Variants in ANKRD6 observed in about 807,000 individuals in gnomAD.
ANKRD6 encodes the protein ankyrin repeat domain-containing protein 6.
A neutral mutation model predicts 82.3 loss-of-function variants in ANKRD6; 56 were observed. The ratio of observed to expected loss-of-function variants is 0.68; its 90% CI spans 0.55 to 0.85. ANKRD6 has a LOEUF of 0.85. Ranked by LOEUF, ANKRD6 falls within the 40% of genes least tolerant of loss-of-function variation. ANKRD6 has a pLI of 0.00. For missense variants in ANKRD6, 852 were observed against 907.6 expected (o/e 0.94, Z 0.79); for synonymous variants, 347 against 352.1 (o/e 0.99, Z 0.16).
At chr6:89,607,307 A>G (rs1798939546) in intron 5 of ANKRD6, among the ~76,000 whole-genome samples, 1 of 144,748 alleles carries the variant, frequency 6.9e-6, no homozygotes, top group Non-Finnish European at 1.5e-5. Flanking sequence ...TTTTACCGAC[A>G]AAGATGTTCA....
intron 1 of ANKRD6, among the ~76,000 whole-genome samples, chr6:89,493,965 A>G (rs1778318202): frequency 6.6e-6 from 1 of 152,226 alleles, no homozygotes. Context: ...ACTTGTTAAA[A>G]TGGTAAAGGA....
intron 1 of ANKRD6, among the ~76,000 whole-genome samples, chr6:89,475,887 T>C (rs1775977540): frequency 6.6e-6 from 1 of 152,190 alleles, no homozygotes; most frequent in Non-Finnish European, 1.5e-5. Flanking sequence ...TGGGAGTGTT[T>C]GTGGGAAGCC....
chr6:89,507,090 A>G (rs1779964700), intron 1 of ANKRD6, among the ~76,000 whole-genome samples: 1 of 152,250 alleles, frequency 6.6e-6, no homozygotes, highest in Admixed American at 6.5e-5. Context: ...TTTTATTATC[A>G]ATTAACATTG....
intron 1 of ANKRD6, among the ~76,000 whole-genome samples, chr6:89,463,797 C>G (rs369187241): frequency 1.3e-5 from 2 of 152,060 alleles, no homozygotes; most frequent in South Asian, 4.1e-4. Flanking sequence ...GTGATCTGCC[C>G]GCCTTGGCCT....
At chr6:89,591,872 T>C (rs1379850790) in intron 2 of ANKRD6, among the ~76,000 whole-genome samples, 1 of 152,190 alleles carries the variant, frequency 6.6e-6, no homozygotes, top group Non-Finnish European at 1.5e-5. Flanking sequence ...GAGCCAAGAA[T>C]GTGCAGGGAA....
intron 1 of ANKRD6, among the ~76,000 whole-genome samples, chr6:89,485,935 C>G (rs1037942720): frequency 6.6e-6 from 1 of 152,120 alleles, no homozygotes; most frequent in Non-Finnish European, 1.5e-5. Flanking sequence ...GTTCTATTAC[C>G]TGAAGCATGC....
intron 1 of ANKRD6, among the ~76,000 whole-genome samples, chr6:89,533,697 C>A (rs1431924265): frequency 6.7e-6 from 1 of 149,942 alleles, no homozygotes; most frequent in Non-Finnish European, 1.5e-5. Flanking sequence ...CCAGCCATCA[C>A]GAATGAGAGA....
chr6:89,557,184 T>C (rs1490024910), intron 1 of ANKRD6, among the ~76,000 whole-genome samples: 1 of 152,122 alleles, frequency 6.6e-6, no homozygotes, highest in African/African-American at 2.4e-5. Flanking sequence ...GGAAGATGTC[T>C]GGTAGGTGGT....
At chr6:89,608,684 T>A (rs1405655857) in intron 5 of ANKRD6, among the ~76,000 whole-genome samples, 1 of 152,102 alleles carries the variant, frequency 6.6e-6, no homozygotes, top group Admixed American at 6.5e-5. Flanking sequence ...AGAGCATAGT[T>A]AAGCAAGCCA....
intron 1 of ANKRD6, among the ~76,000 whole-genome samples, chr6:89,540,634 G>T (rs1030160233): frequency 9.2e-5 from 14 of 152,208 alleles, no homozygotes; most frequent in African/African-American, 3.4e-4. Flanking sequence ...AACTTGATAT[G>T]ACCCATTTGT....
chr6:89,520,105 T>TC (rs1206268879), intron 1 of ANKRD6, among the ~76,000 whole-genome samples: 1 of 152,148 alleles, frequency 6.6e-6, no homozygotes, highest in African/African-American at 2.4e-5. Context: ...TACTTCAGCC[T>TC]CCCACATACT....
At chr6:89,570,063 A>ATGTGTGTGTGTGTGTGTGTGTG (rs10651458) in intron 2 of ANKRD6, among the ~76,000 whole-genome samples, 4 of 148,870 alleles carry the variant, frequency 2.7e-5, no homozygotes, top group South Asian at 2.1e-4. Context: ...ATGTGTGTAT[A>ATGTGTGTGTGTGTGTGTGTGTG]TGTGTGTGTG....
At chr6:89,474,920 G>A (rs1198204562) in intron 1 of ANKRD6, among the ~76,000 whole-genome samples, 1 of 152,170 alleles carries the variant, frequency 6.6e-6, no homozygotes, top group Non-Finnish European at 1.5e-5. Context: ...GTTATAAGCT[G>A]TTCTAGACAG....
In ANKRD6 at chr6:89,500,119, C is replaced by CCCACAACTGG. The variant is rs1175267215; in HGVS notation, c.-143-66715_-143-66714insCCACAACTGG. Among the ~76,000 whole-genome samples the CCCACAACTGG allele has an allele frequency of 4.8e-3, 732 of 152,218 alleles. 8 individuals are homozygous for CCCACAACTGG. The highest frequency in any genetic ancestry group is 0.017 in the Middle Eastern group (5 of 294). ...TTCCCACCTCTGGTGGCTCTTTTAT[C>CCCACAACTGG]TTGCTCCAGTTGATGACCTTGATGC... On this transcript the variant is annotated intron_variant, in intron 1 of 15. Coordinates refer to ENST00000339746, the MANE Select transcript of ANKRD6 (RefSeq NM_001242809.2).
At chr6:89,572,624 C>T (rs1460268663) in intron 2 of ANKRD6, among the ~76,000 whole-genome samples, 1 of 152,146 alleles carries the variant, frequency 6.6e-6, no homozygotes, top group Non-Finnish European at 1.5e-5. Flanking sequence ...TGAAGCTTTT[C>T]CCCTTGTAGA....
intron 1 of ANKRD6, among the ~76,000 whole-genome samples, chr6:89,498,919 T>C (rs1778948743): frequency 6.6e-6 from 1 of 152,192 alleles, no homozygotes; most frequent in Non-Finnish European, 1.5e-5. Flanking sequence ...AGGTAGATGC[T>C]TGAGGTTGGC....
intron 1 of ANKRD6, among the ~76,000 whole-genome samples, chr6:89,489,938 T>C (rs905631508): frequency 1.3e-5 from 2 of 152,218 alleles, no homozygotes; most frequent in African/African-American, 4.8e-5. Flanking sequence ...TGACCAGAAC[T>C]CTTAGGCCAC....
At chr6:89,469,917 T>G (rs979909160) in intron 1 of ANKRD6, among the ~76,000 whole-genome samples, 1 of 152,162 alleles carries the variant, frequency 6.6e-6, no homozygotes, top group Non-Finnish European at 1.5e-5. Flanking sequence ...CCAAACTCTC[T>G]CTTTACCCCA....
intron 1 of ANKRD6, among the ~76,000 whole-genome samples, chr6:89,464,577 G>T (rs1774604740): frequency 6.6e-6 from 1 of 152,180 alleles, no homozygotes; most frequent in African/African-American, 2.4e-5. Flanking sequence ...TGACCCACCA[G>T]AGTTTGTCAA....
Sources: allele counts gnomAD v4.1 joint callset (sites outside exome capture counted in the v4.1 genomes callset), GRCh38; gene constraint gnomAD v4.1.1; transcripts MANE v1.5; gene names NCBI Gene and HGNC (gene_info 2026-07-23, HGNC 2026-07-21).